PUS10: variants seen among roughly 807,000 people sequenced by gnomAD.
PUS10 encodes pseudouridine synthase 10, also known as tRNA pseudouridine synthase Pus10.
PUS10 carries 59 observed loss-of-function variants against 75.0 expected under a neutral mutation model. That is an observed-to-expected ratio of 0.79 (90% CI 0.64 to 0.98). The LOEUF is 0.98. Ranked by LOEUF, PUS10 falls within the 50% of genes least tolerant of loss-of-function variation. PUS10 has a pLI of 0.00. For synonymous variants in PUS10, 219 were observed against 211.6 expected, an observed-to-expected ratio of 1.03 and a Z score of -0.30; for missense variants, 650 against 614.4, an observed-to-expected ratio of 1.06 and a Z score of -0.61.
At chr2:60,998,836 G>A (rs1486256443) in intron 4 of PUS10, 2 of 152,174 alleles carry the variant, frequency 1.3e-5, no homozygotes, top group Non-Finnish European at 2.9e-5. Flanking sequence ...GCACTTGGAT[G>A]GGTAGAAATG....
rs770583631 is a variant in PUS10 at position 60,973,323 on chromosome 2, GACCTAAGCATCTCTGCACTTT to G, written c.469-1787_469-1767del. Among the ~76,000 whole-genome samples the G allele has an allele frequency of 2.6e-3, 389 of 152,370 alleles. 1 individual carries two copies. The highest frequency in any genetic ancestry group is 4.0e-3 in the Non-Finnish European group (273 of 68,030). On this transcript the variant is annotated intron_variant, in intron 4 of 17. Transcript: ENST00000316752. ...GAGTCTCACCCAACTTGCGGCTGTG[GACCTAAGCATCTCTGCACTTT>G]CAGGGACCCGGGAAGGCCCCCCCGT...
chr2:60,995,818 T>A (rs971537188), intron 4 of PUS10, among the ~76,000 whole-genome samples: 1 of 152,222 alleles, frequency 6.6e-6, no homozygotes, highest in African/African-American at 2.4e-5. Flanking sequence ...CCATACACAT[T>A]TTTAAAAGAA....
chr2:61,010,175 G>C (rs1679505829), intron 2 of PUS10: 1 of 152,044 alleles, frequency 6.6e-6, no homozygotes, highest in South Asian at 2.1e-4. Context: ...ACATATAATA[G>C]ATAATAGGTT....
intron 4 of PUS10, among the ~76,000 whole-genome samples, chr2:60,986,263 G>T (rs1258397317): frequency 6.6e-6 from 1 of 152,162 alleles, no homozygotes; most frequent in Non-Finnish European, 1.5e-5. Flanking sequence ...CTTTCAAGCT[G>T]AAATTTAATG....
At chr2:60,953,198 C>T (rs1316958105) in intron 14 of PUS10, 84 bp from the exon 15 acceptor site, 6 of 736,798 alleles carry the variant, frequency 8.1e-6, no homozygotes, top group East Asian at 2.5e-5. Context: ...TCTTTAAAAA[C>T]AGTTTACATA....
chr2:60,998,460 G>A (rs1367498147), intron 4 of PUS10, among the ~76,000 whole-genome samples: 2 of 152,126 alleles, frequency 1.3e-5, no homozygotes, highest in Admixed American at 6.6e-5. Flanking sequence ...GGGAGGCCGA[G>A]GCGGACGCAT....
intron 16 of PUS10, among the ~76,000 whole-genome samples, chr2:60,946,329 A>T (rs998012789): frequency 6.6e-6 from 1 of 152,222 alleles, no homozygotes; most frequent in African/African-American, 2.4e-5. Flanking sequence ...GTAAGTGAAA[A>T]ATTAATATAC....
chr2:60,965,399 GAC>G, intron 7 of PUS10, 22 bp downstream of exon 7: 1 of 1,582,464 alleles, frequency 6.3e-7, no homozygotes. Flanking sequence ...TTACACCATT[GAC>G]GTTGTTTACA....
At chr2:60,979,691 T>G (rs1202628244) in intron 4 of PUS10, among the ~76,000 whole-genome samples, 1 of 151,898 alleles carries the variant, frequency 6.6e-6, no homozygotes, top group East Asian at 1.9e-4. Flanking sequence ...AAAATCCTCT[T>G]TTCTTTCCCT....
intron 1 of PUS10, chr2:61,017,500 C>G (rs568113566): frequency 2.6e-6 from 1 of 383,134 alleles, no homozygotes; most frequent in African/African-American, 2.1e-5. Flanking sequence ...CCAGAAATAT[C>G]GATGAGCCTT....
chr2:60,967,252 T>A (rs963588665), intron 6 of PUS10: 1 of 324,342 alleles, frequency 3.1e-6, no homozygotes, highest in African/African-American at 2.3e-5. Context: ...TTCTAACCTT[T>A]TAAGGTCAAT....
chr2:61,004,807 A>C (rs574780960), intron 4 of PUS10, among the ~76,000 whole-genome samples: 1 of 152,336 alleles, frequency 6.6e-6, no homozygotes, highest in South Asian at 2.1e-4. Context: ...ATTAGTCATT[A>C]CTACAAATAA....
intron 14 of PUS10, among the ~76,000 whole-genome samples, chr2:60,953,425 A>G (rs1275759447): frequency 2.6e-5 from 4 of 152,212 alleles, no homozygotes; most frequent in Admixed American, 6.5e-5. Context: ...AACATTTCAC[A>G]TAATGAAATC....
At chr2:61,013,425 C>T (rs1190245676) in intron 1 of PUS10, among the ~76,000 whole-genome samples, 1 of 152,216 alleles carries the variant, frequency 6.6e-6, no homozygotes, top group Non-Finnish European at 1.5e-5. Context: ...GGTTTCCCCA[C>T]TGAGTTGATT....
At chr2:61,009,235 T>G (rs999274093) in intron 2 of PUS10, among the ~76,000 whole-genome samples, 1 of 152,198 alleles carries the variant, frequency 6.6e-6, no homozygotes, top group African/African-American at 2.4e-5. Context: ...GAATACTTTT[T>G]CAAAAGAGTT....
chr2:60,967,550 T>TATC lies in PUS10; in HGVS notation c.564_566dup (p.Trp188_Ile189insMet). ...GTTCCTCTGAAAACAGGGGGTGAGTTATCCATTTGTAGGCTTCTTTTAGCT... is the reference window on the plus strand; with the variant it reads ...GTTCCTCTGAAAACAGGGGGTGAGTTATCATCCATTTGTAGGCTTCTTTTAGCT... On this transcript the variant is annotated inframe_insertion, in exon 6 of 18. Coordinates refer to ENST00000316752, the MANE Select transcript of PUS10 (RefSeq NM_144709.4). The TATC allele has an allele frequency of 2.5e-6, 4 of 1,609,926 alleles. No individual in the cohort carries two copies. Among genetic ancestry groups the TATC allele is most frequent in the Non-Finnish European group, 3.4e-6 (4 of 1,177,994 alleles).
intron 4 of PUS10, among the ~76,000 whole-genome samples, chr2:61,005,650 C>CT (rs1326488084): frequency 3.3e-5 from 5 of 152,190 alleles, no homozygotes; most frequent in African/African-American, 1.2e-4. Flanking sequence ...GAAAATGACT[C>CT]TAAGTGTTTA....
At chr2:60,944,247 C>CAG (rs1674803962) in intron 17 of PUS10, 16 of 984,070 alleles carry the variant, frequency 1.6e-5, no homozygotes, top group Non-Finnish European at 1.9e-5. Flanking sequence ...GGCTGTACTG[C>CAG]AGGAGCTAAT....
Position 60,967,544 on chromosome 2 carries a change from G to A in PUS10, c.573C>T (p.His191=). The change falls in exon 6 of 18, where the codon CAC becomes CAT. Residue 191 remains histidine (H), a synonymous_variant. Transcript: ENST00000316752. ...CACCCAGTTCCTCTGAAAACAGGGGGTGAGTTATCCATTTGTAGGCTTCTT... is the reference window on the plus strand; with the variant it reads ...CACCCAGTTCCTCTGAAAACAGGGGATGAGTTATCCATTTGTAGGCTTCTT... ...QLKEAYKWIT[H]PLFSEELGVP... is the part of the protein sequence containing the mutation. The A allele has an allele frequency of 1.9e-6, 3 of 1,609,456 alleles. No individual in the cohort carries two copies. Among genetic ancestry groups the A allele is most frequent in the East Asian group, 2.2e-5 (1 of 44,554 alleles).
Sources: allele counts gnomAD v4.1 joint callset (sites outside exome capture counted in the v4.1 genomes callset), GRCh38; gene constraint gnomAD v4.1.1; transcripts MANE v1.5; gene names NCBI Gene and HGNC (gene_info 2026-07-23, HGNC 2026-07-21).